GCNT2: variants seen among roughly 807,000 people sequenced by gnomAD.
The protein encoded by GCNT2 is glucosaminyl (N-acetyl) transferase 2 (I blood group).
In GCNT2, 34 loss-of-function variants were observed where a neutral mutation model predicts 34.2. The ratio of observed to expected loss-of-function variants is 1.00; its 90% CI spans 0.76 to 1.32. The LOEUF (loss-of-function observed/expected upper bound fraction) is 1.32, where lower values mean the gene tolerates loss of function less well. Among genes scored for constraint, GCNT2 ranks in the 40% most tolerant of loss-of-function variants. The pLI, the probability that GCNT2 is intolerant of heterozygous loss-of-function variation, is 0.00. For missense variants in GCNT2, 584 were observed against 489.4 expected (o/e 1.19, Z -1.82); for synonymous variants, 212 against 188.0 (o/e 1.13, Z -1.04).
chr6:10,617,294 C>A, intron 3 of GCNT2, among the ~76,000 whole-genome samples: 1 of 152,320 alleles, frequency 6.6e-6, no homozygotes, highest in Non-Finnish European at 1.5e-5. Flanking sequence ...GCGGCGGGGC[C>A]GGCCGGCTTC....
At chr6:10,542,408 C>A (rs1762075029) in intron 3 of GCNT2, among the ~76,000 whole-genome samples, 1 of 140,538 alleles carries the variant, frequency 7.1e-6, no homozygotes, top group Non-Finnish European at 1.5e-5. Context: ...ATAAAACTCA[C>A]CCACTTTTGT....
intron 3 of GCNT2, among the ~76,000 whole-genome samples, chr6:10,616,909 G>C (rs1765793522): frequency 6.6e-6 from 1 of 152,240 alleles, no homozygotes; most frequent in African/African-American, 2.4e-5. Flanking sequence ...GCTAGAGACA[G>C]AGTGCTGATT....
intron 3 of GCNT2, among the ~76,000 whole-genome samples, chr6:10,538,306 G>C (rs1238189829): frequency 6.7e-6 from 1 of 149,864 alleles, no homozygotes; most frequent in African/African-American, 2.5e-5. Flanking sequence ...TACTCGGGAG[G>C]CTGAGGCAGG....
chr6:10,591,743 TCTC>T (rs566813334), intron 3 of GCNT2, among the ~76,000 whole-genome samples: 1 of 152,270 alleles, frequency 6.6e-6, no homozygotes, highest in East Asian at 1.9e-4. Flanking sequence ...AATGTAGACT[TCTC>T]CTGAATTGTT....
intron 3 of GCNT2, among the ~76,000 whole-genome samples, chr6:10,569,875 TTC>T (rs200939254): frequency 0.022 from 3,238 of 145,990 alleles, 84 homozygotes; most frequent in African/African-American, 0.071. Context: ...CTTTCTTTCT[TTC>T]TCTTTCTTTT....
At chr6:10,548,316 G>A (rs927172199) in intron 3 of GCNT2, among the ~76,000 whole-genome samples, 17 of 152,178 alleles carry the variant, frequency 1.1e-4, no homozygotes, top group Admixed American at 9.8e-4. Flanking sequence ...GCAGATCTGG[G>A]CACTGACACC....
chr6:10,622,252 A>G (rs1766065818), intron 4 of GCNT2, among the ~76,000 whole-genome samples: 1 of 152,190 alleles, frequency 6.6e-6, no homozygotes, highest in Non-Finnish European at 1.5e-5. Flanking sequence ...TATACTGGGC[A>G]TGAGTATTAG....
At chr6:10,623,638 G>T (rs1426490014) in intron 4 of GCNT2, among the ~76,000 whole-genome samples, 1 of 152,082 alleles carries the variant, frequency 6.6e-6, no homozygotes, top group African/African-American at 2.4e-5. Flanking sequence ...TCTTCAACTT[G>T]GAGTGCCCAT....
chr6:10,554,620 G>C (rs1442415764), intron 3 of GCNT2, among the ~76,000 whole-genome samples: 1 of 152,140 alleles, frequency 6.6e-6, no homozygotes, highest in Non-Finnish European at 1.5e-5. Context: ...ACTCTCTTTT[G>C]TTTAGGAGTA....
At chr6:10,616,882 G>T (rs555592143) in intron 3 of GCNT2, among the ~76,000 whole-genome samples, 108 of 152,328 alleles carry the variant, frequency 7.1e-4, no homozygotes, top group African/African-American at 2.4e-3. Flanking sequence ...GCTGATTGGT[G>T]TGTTTACAAA....
Position 10,529,460 on chromosome 6 carries a change from C to CTGGA in GCNT2, c.550_553dup (p.Lys185MetfsTer28). Reference sequence around the variant, plus strand: ...AAGACCTTGTGGCCTCTGAAGTTCCCTGGAAGTATGTCATCAACACCTGCG... The same window carrying CTGGA: ...AAGACCTTGTGGCCTCTGAAGTTCCCTGGATGGAAGTATGTCATCAACACCTGCG... On this transcript the variant is annotated frameshift_variant, in exon 3 of 5. Transcript: ENST00000495262. LOFTEE classifies it high-confidence loss of function. The CTGGA allele has an allele frequency of 6.2e-7, 1 of 1,614,148 alleles. No individual in the cohort carries two copies. The highest frequency in any genetic ancestry group is 8.5e-7 in the Non-Finnish European group (1 of 1,180,004).
chr6:10,540,645 A>G (rs1291527216), intron 3 of GCNT2, among the ~76,000 whole-genome samples: 1 of 152,190 alleles, frequency 6.6e-6, no homozygotes, highest in Non-Finnish European at 1.5e-5. Context: ...TGGGCTTCCA[A>G]TATCACTTTG....
intron 3 of GCNT2, among the ~76,000 whole-genome samples, chr6:10,612,639 T>C (rs1415860688): frequency 6.6e-6 from 1 of 152,220 alleles, no homozygotes; most frequent in Non-Finnish European, 1.5e-5. Context: ...ATGCCAGGCA[T>C]TGCAAAGCAC....
At chr6:10,522,360 C>T (rs1323481429) in intron 1 of GCNT2, among the ~76,000 whole-genome samples, 1 of 152,204 alleles carries the variant, frequency 6.6e-6, no homozygotes, top group Admixed American at 6.5e-5. Context: ...GACAGGTCTA[C>T]TAAGTAAATT....
At chr6:10,625,175 C>A (rs1766204921) in intron 4 of GCNT2, among the ~76,000 whole-genome samples, 1 of 152,214 alleles carries the variant, frequency 6.6e-6, no homozygotes, top group African/African-American at 2.4e-5. Flanking sequence ...TCCTCCCTTT[C>A]CCACTCATCA....
intron 3 of GCNT2, among the ~76,000 whole-genome samples, chr6:10,548,190 A>T (rs769477874): frequency 3.3e-5 from 5 of 152,182 alleles, no homozygotes; most frequent in Admixed American, 6.5e-5. Context: ...TTGCCACTGC[A>T]CTCCATGCAC....
At chr6:10,555,613 C>A in intron 3 of GCNT2, 1 of 327,466 alleles carries the variant, frequency 3.1e-6, no homozygotes, top group Non-Finnish European at 4.4e-6. Flanking sequence ...AAGACAAACA[C>A]CACAGCCGAA....
chr6:10,582,304 T>A (rs1409125942), intron 3 of GCNT2, among the ~76,000 whole-genome samples: 110 of 85,104 alleles, frequency 1.3e-3, no homozygotes, highest in African/African-American at 5.8e-3. Context: ...ACTATATATT[T>A]AATATATAGT....
At chr6:10,573,690 G>A (rs148231093) in intron 3 of GCNT2, among the ~76,000 whole-genome samples, 1 of 152,296 alleles carries the variant, frequency 6.6e-6, no homozygotes, top group African/African-American at 2.4e-5. Flanking sequence ...GAAAAGCAGT[G>A]GTCTTCACCA....
Sources: allele counts gnomAD v4.1 joint callset (sites outside exome capture counted in the v4.1 genomes callset), GRCh38; gene constraint gnomAD v4.1.1; transcripts MANE v1.5; gene names NCBI Gene and HGNC (gene_info 2026-07-23, HGNC 2026-07-21).